MRPS6: variants seen among roughly 807,000 people sequenced by gnomAD.
MRPS6 encodes the protein mitochondrial ribosomal protein S6.
MRPS6 carries 6 observed loss-of-function variants against 13.1 expected under a neutral mutation model. The observed-to-expected ratio is 0.46, with a 90% CI of 0.25 to 0.91. The LOEUF (loss-of-function observed/expected upper bound fraction) is 0.91, where lower values mean the gene tolerates loss of function less well. Ranked by LOEUF, MRPS6 falls within the 40% of genes least tolerant of loss-of-function variation. The probability of loss-of-function intolerance (pLI) is 0.18; values close to 1 mark genes in which losing one functional copy is unlikely to be tolerated. For missense variants in MRPS6, 164 were observed against 155.6 expected (o/e 1.05, Z -0.29); for synonymous variants, 61 against 56.5 (o/e 1.08, Z -0.36).
intron 1 of MRPS6, among the ~76,000 whole-genome samples, chr21:34,074,303 C>T (rs1989268696): frequency 6.6e-6 from 1 of 152,302 alleles, no homozygotes; most frequent in South Asian, 2.1e-4. Flanking sequence ...TGTCTGTATT[C>T]CAGTCTCTTG....
chr21:34,142,284 GTGTA>G, intron 2 of MRPS6, 120 bp from the exon 3 acceptor site: 1 of 1,023,616 alleles, frequency 9.8e-7, no homozygotes, highest in African/African-American at 1.6e-5. Context: ...GGTTATGTGT[GTGTA>G]TGTGTGTGTT....
intron 1 of MRPS6, among the ~76,000 whole-genome samples, chr21:34,116,437 C>T (rs944261720): frequency 6.6e-6 from 1 of 150,450 alleles, no homozygotes; most frequent in Non-Finnish European, 1.5e-5. Flanking sequence ...ATGGTTGTAT[C>T]GTACTTATTC....
At chr21:34,115,435 C>CT (rs777747017) in intron 1 of MRPS6, among the ~76,000 whole-genome samples, 1 of 152,194 alleles carries the variant, frequency 6.6e-6, no homozygotes, top group Non-Finnish European at 1.5e-5. Flanking sequence ...TTGGTGCACT[C>CT]TGATTCTGGG....
chr21:34,101,025 A>G (rs1039008897), intron 1 of MRPS6: 25 of 1,000,032 alleles, frequency 2.5e-5, no homozygotes, highest in Non-Finnish European at 2.5e-5. Context: ...GTTGGTGGTG[A>G]CACCTCACTG....
intron 2 of MRPS6, among the ~76,000 whole-genome samples, chr21:34,132,863 C>G (rs1980551958): frequency 6.6e-6 from 1 of 152,222 alleles, no homozygotes; most frequent in African/African-American, 2.4e-5. Flanking sequence ...AAGACCTGCT[C>G]TGTTTGAATC....
chr21:34,081,753 C>T (rs976258589), intron 1 of MRPS6, among the ~76,000 whole-genome samples: 2 of 152,118 alleles, frequency 1.3e-5, no homozygotes, highest in African/African-American at 4.8e-5. Context: ...ATTAAAGTAG[C>T]TTTGTGGTCT....
chr21:34,123,354 A>T (rs1042410384), intron 1 of MRPS6: 2 of 152,044 alleles, frequency 1.3e-5, no homozygotes, highest in African/African-American at 4.8e-5. Flanking sequence ...TGCACTTTAA[A>T]ATCACCCTGC....
Position 34,073,618 on chromosome 21 carries a change from G to A in MRPS6, c.-83G>A, listed in dbSNP as rs551668379. The A allele has an allele frequency of 1.4e-5, 18 of 1,250,412 alleles. No homozygotes were observed. The African/African-American group carries it at 2.4e-4, about 17-fold the overall frequency. 77.5% of individuals were successfully genotyped at this position (1,250,412 alleles called of 1,614,324 possible). On this transcript the variant is annotated 5_prime_UTR_variant, in exon 1 of 3. Coordinates refer to ENST00000399312, the MANE Select transcript of MRPS6 (RefSeq NM_032476.4). Reference sequence around the variant, plus strand: ...GAGCCGTCCGGCGCAGCAGTTTCTAGGTCCCCACTGTCCCCGCCGTCCCGC... The same window carrying A: ...GAGCCGTCCGGCGCAGCAGTTTCTAAGTCCCCACTGTCCCCGCCGTCCCGC...
At chr21:34,088,582 A>T (rs1055901221) in intron 1 of MRPS6, among the ~76,000 whole-genome samples, 1 of 152,356 alleles carries the variant, frequency 6.6e-6, no homozygotes. Flanking sequence ...TCTTTTATCA[A>T]TATCGTTAAT....
intron 1 of MRPS6, among the ~76,000 whole-genome samples, chr21:34,112,798 A>G (rs369610648): frequency 9.9e-5 from 15 of 152,090 alleles, no homozygotes; most frequent in Admixed American, 5.2e-4. Flanking sequence ...CATGAGTGAG[A>G]TTATACAGTA....
At chr21:34,125,172 C>T in intron 1 of MRPS6, 169 bp from the exon 2 acceptor site, 2 of 1,012,634 alleles carry the variant, frequency 2.0e-6, no homozygotes, top group Admixed American at 3.1e-5. Flanking sequence ...ACAATAAATT[C>T]TCTCTCTCTT....
In MRPS6 at chr21:34,115,100, A is replaced by C. The variant is rs920281793; in HGVS notation, c.46-10241A>C. ...TGCAAATTCAGCCATGCATTATCTC[A>C]CTGAGAAGATAACAATGCCTCTGCC... On this transcript the variant is annotated intron_variant, in intron 1 of 2. Coordinates refer to ENST00000399312, the MANE Select transcript of MRPS6 (RefSeq NM_032476.4). 7.2e-5 allele frequency among the ~76,000 whole-genome samples: 11 copies of C among 152,108 alleles called. No individual in the cohort carries two copies. The East Asian group carries it at 2.1e-3, about 29-fold the overall frequency.
At chr21:34,081,643 C>T (rs1489711604) in intron 1 of MRPS6, among the ~76,000 whole-genome samples, 1 of 152,046 alleles carries the variant, frequency 6.6e-6, no homozygotes, top group Non-Finnish European at 1.5e-5. Context: ...CCTTCTGGAT[C>T]CTCAGTTCCT....
At chr21:34,101,216 G>A (rs543794418) in intron 1 of MRPS6, 1 of 1,000,018 alleles carries the variant, frequency 1.0e-6, no homozygotes, top group South Asian at 4.7e-5. Flanking sequence ...CTTAAAATCT[G>A]CATATGTAGA....
At chr21:34,097,909 T>C in intron 1 of MRPS6, 2 of 997,164 alleles carry the variant, frequency 2.0e-6, no homozygotes, top group Non-Finnish European at 2.4e-6. Context: ...CGGATTCTGA[T>C]TTCCCAAAGA....
At chr21:34,136,308 T>C (rs7281732) in intron 2 of MRPS6, among the ~76,000 whole-genome samples, 4,965 of 152,106 alleles carry the variant, frequency 0.033, 229 homozygotes, top group African/African-American at 0.097. Flanking sequence ...CCACCATGCC[T>C]GGCTAATTTT....
At chr21:34,104,337 GTTC>G (rs1979381399) in intron 1 of MRPS6, 2 of 998,918 alleles carry the variant, frequency 2.0e-6, no homozygotes, top group Non-Finnish European at 2.4e-6. Flanking sequence ...GAAAACGTAT[GTTC>G]TTCTACTCAG....
chr21:34,080,064 T>G (rs1449208154), intron 1 of MRPS6, among the ~76,000 whole-genome samples: 3 of 152,232 alleles, frequency 2.0e-5, no homozygotes, highest in African/African-American at 7.2e-5. Flanking sequence ...TTCCTTGGAC[T>G]CTTGCAGTTT....
chr21:34,099,033 T>C (rs950667135), intron 1 of MRPS6: 3 of 990,064 alleles, frequency 3.0e-6, no homozygotes, highest in African/African-American at 3.5e-5. Flanking sequence ...AGTTTCATTA[T>C]GATGGACTTG....
Sources: gnomAD v4.1 joint callset for allele counts (sites outside exome capture counted in the v4.1 genomes callset) on GRCh38, gnomAD v4.1.1 for gene constraint, MANE v1.5 for transcripts, NCBI Gene and HGNC (gene_info 2026-07-23, HGNC 2026-07-21) for gene names.